TMEM40: variants seen among roughly 807,000 people sequenced by gnomAD.
TMEM40 encodes the protein transmembrane protein 40.
Under a neutral mutation model 40.8 loss-of-function variants are expected in TMEM40, and 34 were observed. The observed-to-expected ratio is 0.83, with a 90% confidence interval of 0.63 to 1.11. TMEM40 has a LOEUF of 1.11. Ranked by LOEUF, TMEM40 falls within the 50% of genes least tolerant of loss-of-function variation. TMEM40 has a pLI of 0.00. For synonymous variants in TMEM40, 106 were observed against 107.0 expected (o/e 0.99, Z 0.06); for missense variants, 296 against 280.2 (o/e 1.06, Z -0.40).
chr3:12,754,692 G>T (rs886292117), intron 1 of TMEM40, among the ~76,000 whole-genome samples: 4 of 152,136 alleles, frequency 2.6e-5, no homozygotes, highest in Non-Finnish European at 5.9e-5. Context: ...CAGACAAAGA[G>T]AATCCAGAGG....
At chr3:12,764,894 CAG>C (rs920945565) in intron 1 of TMEM40, among the ~76,000 whole-genome samples, 43 of 152,014 alleles carry the variant, frequency 2.8e-4, no homozygotes, top group African/African-American at 9.2e-4. Context: ...TTTTTTGAGA[CAG>C]AGTCTCACTC....
intron 1 of TMEM40, among the ~76,000 whole-genome samples, chr3:12,751,052 A>G (rs1009287059): frequency 6.6e-6 from 1 of 152,018 alleles, no homozygotes; most frequent in Non-Finnish European, 1.5e-5. Flanking sequence ...CGATGGAAGC[A>G]TGGGCTAGTT....
chr3:12,756,130 C>G (rs1014567288), intron 1 of TMEM40, among the ~76,000 whole-genome samples: 3 of 152,006 alleles, frequency 2.0e-5, no homozygotes, highest in Admixed American at 6.6e-5. Context: ...AACACAAACT[C>G]AAAATACACA....
chr3:12,754,965 TTC>T lies in TMEM40; in HGVS notation c.-9+4224_-9+4225del, dbSNP rs199677863. Among the ~76,000 whole-genome samples, 905 of 150,690 alleles carry T rather than the reference TTC, an allele frequency of 6.0e-3. 12 individuals carry two copies. Among genetic ancestry groups the T allele is most frequent in the African/African-American group, 0.019 (780 of 40,148 alleles). ...TTCTTTTCTTTCCTTCTTTCTTTCT[TTC>T]TCTTTTTTCTTTCCTTTTCTTTTTC... On this transcript the variant is annotated intron_variant, in intron 1 of 11. Transcript: ENST00000314124.
At chr3:12,739,541 C>T (rs988264950) in intron 5 of TMEM40, among the ~76,000 whole-genome samples, 1 of 152,064 alleles carries the variant, frequency 6.6e-6, no homozygotes, top group African/African-American at 2.4e-5. Context: ...ACCTCAGCCT[C>T]CCAAAGTGCT....
chr3:12,757,350 TC>T (rs1317961737), intron 1 of TMEM40, among the ~76,000 whole-genome samples: 1 of 151,408 alleles, frequency 6.6e-6, no homozygotes, highest in Non-Finnish European at 1.5e-5. Context: ...GTGCCTGTAA[TC>T]CCAGCTACTC....
intron 1 of TMEM40, chr3:12,769,131 CGG>C: frequency 1.2e-5 from 1 of 81,540 alleles, no homozygotes; most frequent in Admixed American, 1.0e-4. Context: ...CCTCACTGCC[CGG>C]GACTGGCGGG....
At chr3:12,768,758 G>A (rs1175022560) in intron 1 of TMEM40, among the ~76,000 whole-genome samples, 1 of 152,164 alleles carries the variant, frequency 6.6e-6, no homozygotes, top group African/African-American at 2.4e-5. Flanking sequence ...GGGGGCCGCA[G>A]GTGGAGCTGC....
chr3:12,747,333 A>G (rs772491543), intron 3 of TMEM40, among the ~76,000 whole-genome samples: 10 of 152,150 alleles, frequency 6.6e-5, no homozygotes, highest in Non-Finnish European at 1.5e-4. Flanking sequence ...GGGAATCCCA[A>G]GTTGGTTACT....
intron 7 of TMEM40, 162 bp from the exon 8 acceptor site, chr3:12,737,916 C>A: frequency 1.1e-6 from 1 of 915,780 alleles, no homozygotes. Flanking sequence ...GGGTACTGTC[C>A]TTGGAACCCC....
At chr3:12,744,086 G>T in intron 3 of TMEM40, 97 bp from the exon 4 acceptor site, 1 of 1,290,934 alleles carries the variant, frequency 7.7e-7, no homozygotes, top group Non-Finnish European at 1.1e-6. Context: ...TAGTTTATGA[G>T]AAGAGTGTGG....
At chr3:12,767,198 G>T (rs2061598118) in intron 1 of TMEM40, among the ~76,000 whole-genome samples, 1 of 152,140 alleles carries the variant, frequency 6.6e-6, no homozygotes, top group South Asian at 2.1e-4. Flanking sequence ...AAGTTGGGGG[G>T]TCAGTTGCCA....
chr3:12,761,728 A>G (rs188610078), upstream of TMEM40, among the ~76,000 whole-genome samples: 372 of 152,284 alleles, frequency 2.4e-3, 4 homozygotes, highest in Non-Finnish European at 1.5e-3. Context: ...GATGGGGACT[A>G]GGGACAGGGT....
At chr3:12,745,226 A>ATTTTTT (rs144839288) in intron 3 of TMEM40, among the ~76,000 whole-genome samples, 1,305 of 127,068 alleles carry the variant, frequency 0.01, 38 homozygotes, top group African/African-American at 0.038. Flanking sequence ...CACCTGGCTA[A>ATTTTTT]TTTTTTTTTT....
chr3:12,738,311 ATGGCTGGTTGGT>A, intron 6 of TMEM40, 143 bp from the exon 7 acceptor site: 1 of 1,054,870 alleles, frequency 9.5e-7, no homozygotes, highest in South Asian at 1.4e-5. Context: ...CTCTCTATTG[ATGGCTGGTTGGT>A]TGTAATCTCC....
At chr3:12,757,929 T>C (rs540983557) in intron 1 of TMEM40, among the ~76,000 whole-genome samples, 38 of 152,254 alleles carry the variant, frequency 2.5e-4, no homozygotes, top group African/African-American at 9.1e-4. Context: ...CTCGAACTCC[T>C]GACCTCAAAG....
chr3:12,734,703 C>T lies in TMEM40; in HGVS notation c.*71G>A, dbSNP rs1419424093. ...GTGCGTCTCTCAGAATGCTGCTCTG[C>T]CCTTGTGGGCTCAGGGGTCGCAGTG... On this transcript the variant is annotated 3_prime_UTR_variant, in exon 12 of 12. Coordinates refer to ENST00000314124, the MANE Select transcript of TMEM40 (RefSeq NM_018306.4). 2.0e-6 allele frequency: 3 copies of T among 1,532,350 alleles called. No individual in the cohort carries two copies. The highest frequency in any genetic ancestry group is 2.7e-6 in the Non-Finnish European group (3 of 1,131,538). The allele number at this position is 1,532,350 out of a possible 1,614,324, so 94.9% of individuals were successfully genotyped here. A position where few individuals can be genotyped will look rare whatever the true frequency, so the allele number is the denominator to read the frequency against.
upstream of TMEM40, among the ~76,000 whole-genome samples, chr3:12,760,315 C>T (rs1292595032): frequency 6.6e-6 from 1 of 152,198 alleles, no homozygotes; most frequent in Non-Finnish European, 1.5e-5. Flanking sequence ...TCCCACTGCA[C>T]TCAGGGTAAA....
intron 1 of TMEM40, 109 bp from the exon 2 acceptor site, chr3:12,749,949 A>T: frequency 1.9e-6 from 2 of 1,053,032 alleles, no homozygotes; most frequent in Non-Finnish European, 2.7e-6. Flanking sequence ...CATTCAAAGG[A>T]ATAAGAAAAA....
Sources: gnomAD v4.1 joint callset for allele counts (sites outside exome capture counted in the v4.1 genomes callset) on GRCh38, gnomAD v4.1.1 for gene constraint, MANE v1.5 for transcripts, NCBI Gene and HGNC (gene_info 2026-07-23, HGNC 2026-07-21) for gene names.